RBFOX1: variants seen among roughly 807,000 people sequenced by gnomAD.
RBFOX1 encodes the protein RNA binding protein fox-1 homolog 1.
Under a neutral mutation model 57.7 loss-of-function variants are expected in RBFOX1, and 8 were observed. The observed-to-expected ratio is 0.14, with a 90% CI of 0.08 to 0.25. RBFOX1 has a LOEUF of 0.25. Among genes scored for constraint, RBFOX1 ranks in the 10% least tolerant of loss-of-function variants. RBFOX1 has a pLI of 1.00. For synonymous variants in RBFOX1, 326 were observed against 222.4 expected (o/e 1.47, Z -4.15); for missense variants, 611 against 548.5 (o/e 1.11, Z -1.14).
chr16:5,814,950 GAA>G (rs1269165369), intron 3 of RBFOX1, among the ~76,000 whole-genome samples: 10 of 146,514 alleles, frequency 6.8e-5, no homozygotes, highest in African/African-American at 2.5e-4. Flanking sequence ...AGAAAAAAAA[GAA>G]AAAAAAAAAA....
chr16:6,188,778 A>T (rs745969548), intron 1 of RBFOX1, among the ~76,000 whole-genome samples: 31 of 152,242 alleles, frequency 2.0e-4, no homozygotes, highest in Non-Finnish European at 4.3e-4. Context: ...AATGCAAATG[A>T]AAATGTCCCA....
chr16:5,881,125 G>GTTCCGT (rs2057750684), intron 4 of RBFOX1, among the ~76,000 whole-genome samples: 3 of 152,158 alleles, frequency 2.0e-5, no homozygotes, highest in Non-Finnish European at 4.4e-5. Flanking sequence ...GAAGTTCACG[G>GTTCCGT]ACTCACTGTG....
chr16:7,267,634 C>G (rs991034565), intron 4 of RBFOX1, among the ~76,000 whole-genome samples: 1 of 150,932 alleles, frequency 6.6e-6, no homozygotes, highest in African/African-American at 2.4e-5. Flanking sequence ...GTGGGCGGAT[C>G]ACTTGAGGTC....
intron 2 of RBFOX1, among the ~76,000 whole-genome samples, chr16:6,459,941 G>GC (rs1388600502): frequency 3.0e-5 from 4 of 134,478 alleles, no homozygotes; most frequent in Non-Finnish European, 6.2e-5. Flanking sequence ...CTGAGATAGT[G>GC]CCATTGCACT....
chr16:7,246,630 C>T (rs1326847114), intron 4 of RBFOX1, among the ~76,000 whole-genome samples: 1 of 127,268 alleles, frequency 7.9e-6, no homozygotes, highest in African/African-American at 3.5e-5. Context: ...GTATGGTCAC[C>T]TCCTTTTTTT....
intron 3 of RBFOX1, among the ~76,000 whole-genome samples, chr16:6,853,048 G>T (rs1318896801): frequency 6.6e-6 from 1 of 152,120 alleles, no homozygotes; most frequent in Non-Finnish European, 1.5e-5. Context: ...TTATTGCCAG[G>T]CAACCCAGAG....
intron 3 of RBFOX1, among the ~76,000 whole-genome samples, chr16:6,772,161 G>A (rs1220225435): frequency 3.3e-5 from 5 of 152,046 alleles, no homozygotes; most frequent in African/African-American, 7.3e-5. Context: ...TGGTTCCGGT[G>A]TGGGCAAAGA....
chr16:7,319,994 C>T (rs1404984016), intron 4 of RBFOX1, among the ~76,000 whole-genome samples: 1 of 152,164 alleles, frequency 6.6e-6, no homozygotes, highest in Non-Finnish European at 1.5e-5. Flanking sequence ...CAGAACATAT[C>T]TTCTAGGACT....
chr16:7,242,463 C>A (rs184497609), intron 4 of RBFOX1, among the ~76,000 whole-genome samples: 7 of 152,252 alleles, frequency 4.6e-5, no homozygotes, highest in Admixed American at 3.9e-4. Flanking sequence ...GATTATTTTT[C>A]ACCACTTGTT....
At chr16:5,851,412 C>A (rs1457478046) in intron 3 of RBFOX1, among the ~76,000 whole-genome samples, 1 of 152,122 alleles carries the variant, frequency 6.6e-6, no homozygotes, top group Non-Finnish European at 1.5e-5. Context: ...CTCTCTGCAT[C>A]CCTCCTCCTT....
At position 7,508,691 on chromosome 16, in the gene RBFOX1, G is replaced by C. The variant is rs1416731775; in HGVS notation, c.28-9456G>C. Among the ~76,000 whole-genome samples the C allele has an allele frequency of 3.3e-5, 5 of 152,110 alleles. No homozygotes were observed. The East Asian group carries it at 9.7e-4, about 29-fold the overall frequency. On this transcript the variant is annotated intron_variant, in intron 4 of 15. Coordinates refer to ENST00000550418, the MANE Select transcript of RBFOX1 (RefSeq NM_018723.4). ...ACCTTGTAGAGCTGGGAATTAAAAA[G>C]AAAAACCTCGCCCAGGGGCCACCTG...
intron 4 of RBFOX1, among the ~76,000 whole-genome samples, chr16:5,985,864 C>T (rs2060275788): frequency 6.6e-6 from 1 of 152,172 alleles, no homozygotes; most frequent in African/African-American, 2.4e-5. Flanking sequence ...GCAATAATGG[C>T]TTGGCCATCA....
chr16:5,598,924 C>T (rs1596388204), exon 3 of RBFOX1: 1 of 1,527,506 alleles, frequency 6.5e-7, no homozygotes, highest in East Asian at 2.5e-5. Context: ...GAAAATTCAA[C>T]CCTCCTCCCC....
In RBFOX1 at chr16:6,019,211, C is replaced by G; in HGVS notation, c.-908C>G. 2 of 985,302 alleles carry G rather than the reference C, an allele frequency of 2.0e-6. No individual in the cohort carries two copies. The highest frequency in any genetic ancestry group is 2.4e-6 in the Non-Finnish European group (2 of 829,966). 61.0% of individuals were successfully genotyped at this position (985,302 alleles called of 1,614,324 possible). On this transcript the variant is annotated 5_prime_UTR_variant, in exon 1 of 16. Coordinates refer to ENST00000550418, the MANE Select transcript of RBFOX1 (RefSeq NM_018723.4). The surrounding 1 kb of genome is among the most constrained non-coding windows in gnomAD (Gnocchi z 4.2). ...TTATTCTCTCCCGCCCTCCTACAAG[C>G]GCTCTTGCTGGCCGTCTGGGTGCAC... is the stretch of plus-strand genomic sequence containing the variant.
chr16:5,358,558 A>G (rs1237904925), intron 1 of RBFOX1, among the ~76,000 whole-genome samples: 5 of 152,158 alleles, frequency 3.3e-5, no homozygotes, highest in Admixed American at 3.3e-4. Flanking sequence ...AAACTTAAAA[A>G]TGCACCTGTA....
chr16:7,303,937 C>G (rs2096100372), intron 4 of RBFOX1, among the ~76,000 whole-genome samples: 1 of 151,832 alleles, frequency 6.6e-6, no homozygotes, highest in Non-Finnish European at 1.5e-5. Flanking sequence ...AGAGAAGTTC[C>G]CTCTGCCGGT....
chr16:7,406,966 C>T (rs9939068), intron 4 of RBFOX1, among the ~76,000 whole-genome samples: 6,472 of 152,210 alleles, frequency 0.043, 502 homozygotes, highest in African/African-American at 0.15. Context: ...TCTGCCTCTG[C>T]GTTTGTATGT....
rs568450122 is a variant in RBFOX1, at chr16:5,386,100, T to G, written c.220-81116T>G. 2.2e-4 allele frequency among the ~76,000 whole-genome samples: 29 copies of G among 129,914 alleles called. No homozygotes were observed. The East Asian group carries it at 5.3e-3, about 24-fold the overall frequency. The allele number at this position is 129,914 out of a possible 152,430, so 85.2% of individuals were successfully genotyped here. A position where few individuals can be genotyped will look rare whatever the true frequency, so the allele number is the denominator to read the frequency against. ...AATCCTGTTTTGAACTTGGAAAGTT[T>G]GCAACTTTTTTTTTTTTTTGGAGGG... On this transcript the variant is annotated intron_variant, in intron 1 of 2. Transcript: ENST00000585867.
intron 1 of RBFOX1, among the ~76,000 whole-genome samples, chr16:5,411,432 T>C (rs2067019165): frequency 6.6e-6 from 1 of 152,040 alleles, no homozygotes; most frequent in South Asian, 2.1e-4. Flanking sequence ...AAGTCGGAAA[T>C]GGCAAGGGAG....
Sources: allele counts gnomAD v4.1 joint callset (sites outside exome capture counted in the v4.1 genomes callset), GRCh38; gene constraint gnomAD v4.1.1; non-coding constraint Gnocchi (gnomAD v3.1); transcripts MANE v1.5; gene names NCBI Gene and HGNC (gene_info 2026-07-23, HGNC 2026-07-21).